The following PABPC4L variants were observed in gnomAD, a reference collection of about 807,000 sequenced individuals.
PABPC4L encodes poly(A) binding protein cytoplasmic 4 like, also known as polyadenylate-binding protein 4-like.
For missense variants in PABPC4L, 452 were observed against 451.4 expected (o/e 1.00, Z -0.01); for synonymous variants, 169 against 164.1 (o/e 1.03, Z -0.23).
chr4:134,102,870 A>G, the PABPC4L span, among the ~76,000 whole-genome samples: 1 of 151,382 alleles, frequency 6.6e-6, no homozygotes, highest in African/African-American at 2.4e-5. Flanking sequence ...AATGGTCTCT[A>G]TTTTTCTACC....
the PABPC4L span, among the ~76,000 whole-genome samples, chr4:134,091,850 A>ATTC: frequency 6.6e-6 from 1 of 152,048 alleles, no homozygotes; most frequent in Admixed American, 6.6e-5. Context: ...TCATGGAATA[A>ATTC]ATGCTGGTTG....
At chr4:134,088,608 A>G in the PABPC4L span, among the ~76,000 whole-genome samples, 2 of 152,006 alleles carry the variant, frequency 1.3e-5, no homozygotes, top group Non-Finnish European at 2.9e-5. Flanking sequence ...GGGCCTTTAT[A>G]AAAGGGCATG....
chr4:134,195,455 A>T (rs1215588482), downstream of PABPC4L, among the ~76,000 whole-genome samples: 1 of 151,792 alleles, frequency 6.6e-6, no homozygotes, highest in African/African-American at 2.4e-5. Context: ...AAAAAACAAT[A>T]ATTATATCTG....
At chr4:134,022,562 ATTAGT>A in the PABPC4L span, among the ~76,000 whole-genome samples, 3 of 151,910 alleles carry the variant, frequency 2.0e-5, no homozygotes, top group Non-Finnish European at 2.9e-5. Context: ...TTCCTTAATT[ATTAGT>A]TTAGTTTTTT....
chr4:134,119,292 A>G, the PABPC4L span, among the ~76,000 whole-genome samples: 1 of 151,812 alleles, frequency 6.6e-6, no homozygotes, highest in Non-Finnish European at 1.5e-5. Context: ...GAAGATCTAC[A>G]TTTAAAACAT....
chr4:134,065,791 TG>T, the PABPC4L span, among the ~76,000 whole-genome samples: 1 of 152,140 alleles, frequency 6.6e-6, no homozygotes, highest in South Asian at 2.1e-4. Context: ...GGCAGATTTT[TG>T]TATATGGTGT....
At chr4:134,015,528 T>C in the PABPC4L span, among the ~76,000 whole-genome samples, 189 of 152,278 alleles carry the variant, frequency 1.2e-3, 2 homozygotes, top group Middle Eastern at 3.4e-3. Flanking sequence ...GCTGTACTGC[T>C]GCAAGGCTTC....
At chr4:133,961,243 T>C in the PABPC4L span, among the ~76,000 whole-genome samples, 4 of 152,284 alleles carry the variant, frequency 2.6e-5, no homozygotes, top group South Asian at 6.2e-4. Context: ...CAAGACTCTG[T>C]GCAGCCAACT....
chr4:133,955,289 T>A, the PABPC4L span, among the ~76,000 whole-genome samples: 1 of 152,090 alleles, frequency 6.6e-6, no homozygotes, highest in Admixed American at 6.6e-5. Flanking sequence ...GATTTTTTTT[T>A]AAACCTGCTT....
At chr4:134,009,918 T>C in the PABPC4L span, among the ~76,000 whole-genome samples, 1 of 152,100 alleles carries the variant, frequency 6.6e-6, no homozygotes, top group Non-Finnish European at 1.5e-5. Flanking sequence ...TTCTTTTTAG[T>C]AGATTCTCAT....
At chr4:133,989,270 T>C in the PABPC4L span, among the ~76,000 whole-genome samples, 1 of 152,208 alleles carries the variant, frequency 6.6e-6, no homozygotes, top group African/African-American at 2.4e-5. Context: ...GGTTTTTCTT[T>C]TCTATCACAT....
the PABPC4L span, among the ~76,000 whole-genome samples, chr4:134,121,602 T>C: frequency 6.6e-6 from 1 of 151,772 alleles, no homozygotes; most frequent in Non-Finnish European, 1.5e-5. Context: ...GTTTTCACTA[T>C]CCACTCTCCA....
the PABPC4L span, among the ~76,000 whole-genome samples, chr4:134,036,657 G>A: frequency 6.6e-6 from 1 of 151,986 alleles, no homozygotes; most frequent in Non-Finnish European, 1.5e-5. Flanking sequence ...ACTTTTTGCT[G>A]AACATTCTCT....
At chr4:133,995,454 G>A in the PABPC4L span, among the ~76,000 whole-genome samples, 46 of 152,196 alleles carry the variant, frequency 3.0e-4, no homozygotes, top group Middle Eastern at 3.4e-3. Flanking sequence ...TTGCTTGCTG[G>A]CAGTCAATGT....
chr4:134,140,786 T>G, the PABPC4L span, among the ~76,000 whole-genome samples: 134 of 151,780 alleles, frequency 8.8e-4, 4 homozygotes, highest in East Asian at 0.026. Context: ...TGAGCATAGT[T>G]TTGGACAATG....
chr4:134,056,804 A>G, the PABPC4L span, among the ~76,000 whole-genome samples: 4 of 151,908 alleles, frequency 2.6e-5, no homozygotes, highest in African/African-American at 4.8e-5. Flanking sequence ...GATGTTTCCT[A>G]TTGGGACAAT....
At chr4:134,119,260 A>G in the PABPC4L span, among the ~76,000 whole-genome samples, 1 of 151,564 alleles carries the variant, frequency 6.6e-6, no homozygotes, top group Non-Finnish European at 1.5e-5. Context: ...GGTCTCTCCC[A>G]GTATCACACA....
chr4:134,122,617 T>A, the PABPC4L span, among the ~76,000 whole-genome samples: 2 of 151,954 alleles, frequency 1.3e-5, no homozygotes, highest in Admixed American at 6.6e-5. Flanking sequence ...AGTTCCATCA[T>A]CAGCAAATAT....
the PABPC4L span, among the ~76,000 whole-genome samples, chr4:134,034,150 T>C: frequency 1.4e-4 from 21 of 152,070 alleles, no homozygotes; most frequent in South Asian, 2.5e-3. Context: ...TTAAGAATTA[T>C]GCAAAGTCTA....
Sources: allele counts gnomAD v4.1 joint callset (sites outside exome capture counted in the v4.1 genomes callset), GRCh38; gene constraint gnomAD v4.1.1; transcripts MANE v1.5; gene names NCBI Gene and HGNC (gene_info 2026-07-23, HGNC 2026-07-21).